The following CTNNA2 variants were observed in gnomAD, a reference collection of about 807,000 sequenced individuals.
CTNNA2 encodes the protein catenin alpha-2.
CTNNA2 carries 42 observed loss-of-function variants against 101.0 expected under a neutral mutation model. That is an observed-to-expected ratio of 0.42 (90% CI 0.32 to 0.54). The LOEUF is 0.54. Ranked by LOEUF, CTNNA2 falls within the 20% of genes least tolerant of loss-of-function variation. The pLI is 0.14. For missense variants in CTNNA2, 871 were observed against 1,223.1 expected (o/e 0.71, Z 4.29); for synonymous variants, 450 against 456.4 (o/e 0.99, Z 0.18).
intron 2 of CTNNA2, among the ~76,000 whole-genome samples, chr2:79,664,857 GC>G (rs991704222): frequency 7.3e-4 from 110 of 151,620 alleles, no homozygotes; most frequent in African/African-American, 2.5e-3. Context: ...GACTACAGGC[GC>G]CCGCCAACAC....
chr2:80,505,107 A>G (rs1042964308), intron 9 of CTNNA2, among the ~76,000 whole-genome samples: 2 of 152,208 alleles, frequency 1.3e-5, no homozygotes, highest in Non-Finnish European at 1.5e-5. Context: ...AGGGAGCATC[A>G]TATGTTCACA....
intron 2 of CTNNA2, among the ~76,000 whole-genome samples, chr2:79,667,543 C>G (rs1478399234): frequency 6.6e-6 from 1 of 152,134 alleles, no homozygotes; most frequent in Non-Finnish European, 1.5e-5. Context: ...AATGAAAAAT[C>G]TGTATTTTTA....
intron 7 of CTNNA2, among the ~76,000 whole-genome samples, chr2:80,110,490 A>G (rs1218843228): frequency 1.3e-5 from 2 of 152,216 alleles, no homozygotes; most frequent in Non-Finnish European, 2.9e-5. Context: ...CACAGGGATC[A>G]TGCCTCTGTG....
intron 7 of CTNNA2, among the ~76,000 whole-genome samples, chr2:80,019,776 C>T (rs1289165913): frequency 6.6e-6 from 1 of 152,150 alleles, no homozygotes; most frequent in African/African-American, 2.4e-5. Flanking sequence ...CTGATGAAGC[C>T]CCACTGAATC....
chr2:80,575,934 G>A (rs1395503716), intron 13 of CTNNA2, among the ~76,000 whole-genome samples: 1 of 152,090 alleles, frequency 6.6e-6, no homozygotes, highest in Non-Finnish European at 1.5e-5. Flanking sequence ...TGTACAAATT[G>A]TTATTTTTAA....
chr2:79,901,212 GT>G (rs144702167), intron 6 of CTNNA2, among the ~76,000 whole-genome samples: 9,225 of 143,206 alleles, frequency 0.064, 298 homozygotes, highest in Non-Finnish European at 0.08. Context: ...TTCTCTTTCA[GT>G]TTTTTTTTTT....
intron 1 of CTNNA2, among the ~76,000 whole-genome samples, chr2:79,530,351 C>T (rs1228968099): frequency 6.6e-6 from 1 of 152,136 alleles, no homozygotes; most frequent in Non-Finnish European, 1.5e-5. Context: ...AGATATTTTA[C>T]TGTTACTGTC....
chr2:80,486,812 C>T (rs1686621657), intron 9 of CTNNA2, among the ~76,000 whole-genome samples: 1 of 152,140 alleles, frequency 6.6e-6, no homozygotes, highest in Admixed American at 6.5e-5. Flanking sequence ...AACAGTTGTA[C>T]ATTACTACTA....
chr2:79,368,379 C>T (rs1029976437), intron 3 of CTNNA2, among the ~76,000 whole-genome samples: 1 of 152,184 alleles, frequency 6.6e-6, no homozygotes, highest in Non-Finnish European at 1.5e-5. Context: ...TTTCATGGTT[C>T]TCCCACACTT....
intron 3 of CTNNA2, among the ~76,000 whole-genome samples, chr2:79,840,915 G>C (rs990818869): frequency 6.6e-6 from 1 of 152,152 alleles, no homozygotes; most frequent in East Asian, 1.9e-4. Context: ...GACTACAGGC[G>C]CCCGCCACGG....
At chr2:80,283,033 A>G (rs1268133083) in intron 7 of CTNNA2, among the ~76,000 whole-genome samples, 1 of 152,194 alleles carries the variant, frequency 6.6e-6, no homozygotes, top group Non-Finnish European at 1.5e-5. Context: ...TAAGAATTAA[A>G]TTAAAGAAGG....
chr2:79,293,647 G>C (rs1675889361), intron 2 of CTNNA2, among the ~76,000 whole-genome samples: 1 of 152,078 alleles, frequency 6.6e-6, no homozygotes, highest in Non-Finnish European at 1.5e-5. Context: ...TTAACATAAG[G>C]CCATTCATGT....
chr2:79,676,529 C>T lies in CTNNA2; in HGVS notation c.102+24871C>T, dbSNP rs76021179. Among the ~76,000 whole-genome samples, 1,172 of 152,246 alleles carry T rather than the reference C, an allele frequency of 7.7e-3. 15 individuals are homozygous for T. The highest frequency in any genetic ancestry group is 0.027 in the African/African-American group (1,116 of 41,560). ...CCATAGCCTGGAGGAATACAGTCTG[C>T]CCATTCCCATGCCTAGGTGATCGGC... On this transcript the variant is annotated intron_variant, in intron 2 of 18. Coordinates refer to ENST00000402739, the MANE Select transcript of CTNNA2 (RefSeq NM_001282597.3).
At chr2:79,833,499 A>G (rs1477911848) in intron 3 of CTNNA2, among the ~76,000 whole-genome samples, 2 of 152,156 alleles carry the variant, frequency 1.3e-5, no homozygotes, top group African/African-American at 4.8e-5. Flanking sequence ...AGTCCTAGTA[A>G]TCATTACCCT....
chr2:79,953,574 C>A (rs1008661112), intron 7 of CTNNA2, among the ~76,000 whole-genome samples: 2 of 152,194 alleles, frequency 1.3e-5, no homozygotes, highest in African/African-American at 4.8e-5. Flanking sequence ...TTTTCTAAGT[C>A]CACTGGTGAA....
rs181539404 is a variant in CTNNA2 at position 80,089,657 on chromosome 2, A to G, written c.1056+179860A>G. ...CGGTGAGCTTGACCTGTAGTTTCTG[A>G]CTCAGTTTTGCAGTGAAAGCATCAT... On this transcript the variant is annotated intron_variant, in intron 7 of 18. Transcript: ENST00000402739. Among the ~76,000 whole-genome samples the G allele has an allele frequency of 6.1e-4, 93 of 151,964 alleles. 1 individual carries two copies. Among genetic ancestry groups the G allele is most frequent in the African/African-American group, 1.8e-3 (75 of 41,480 alleles).
chr2:79,216,383 G>T (rs1264722603), intron 2 of CTNNA2, among the ~76,000 whole-genome samples: 1 of 151,904 alleles, frequency 6.6e-6, no homozygotes, highest in Non-Finnish European at 1.5e-5. Context: ...CTCCAGAAAA[G>T]CAGGAAAGTG....
In CTNNA2 at chr2:80,090,684, C is replaced by G. The variant is rs763024456; in HGVS notation, c.1056+180887C>G. Reference sequence around the variant, plus strand: ...AAGTTTATATTAGAAAAGGTGGAAGCCTTTTCAGGGATATGCAAAGATGGA... The same window carrying G: ...AAGTTTATATTAGAAAAGGTGGAAGGCTTTTCAGGGATATGCAAAGATGGA... On this transcript the variant is annotated intron_variant, in intron 7 of 18. Coordinates refer to ENST00000402739, the MANE Select transcript of CTNNA2 (RefSeq NM_001282597.3). Among the ~76,000 whole-genome samples, 37 of 152,072 alleles carry G rather than the reference C, an allele frequency of 2.4e-4. 1 individual carries two copies. Among genetic ancestry groups the G allele is most frequent in the South Asian group, 1.5e-3 (7 of 4,824 alleles).
intron 4 of CTNNA2, among the ~76,000 whole-genome samples, chr2:79,502,912 A>G (rs912079697): frequency 3.3e-5 from 5 of 152,154 alleles, no homozygotes; most frequent in Admixed American, 1.3e-4. Context: ...CAATGGGCTC[A>G]TGTATAAAGT....
Sources: gnomAD v4.1 joint callset for allele counts (sites outside exome capture counted in the v4.1 genomes callset) on GRCh38, gnomAD v4.1.1 for gene constraint, MANE v1.5 for transcripts, NCBI Gene and HGNC (gene_info 2026-07-23, HGNC 2026-07-21) for gene names.